Variants in ACADM observed in about 807,000 individuals in gnomAD.
The protein encoded by ACADM is acyl-CoA dehydrogenase medium chain, also known as medium-chain specific acyl-CoA dehydrogenase, mitochondrial.
ACADM carries 49 observed loss-of-function variants against 58.9 expected under a neutral mutation model. The ratio of observed to expected loss-of-function variants is 0.83; its 90% CI spans 0.66 to 1.06. The LOEUF is 1.06. ACADM is among the 50% of genes least tolerant of loss of function. The pLI is 0.00. For missense variants in ACADM, 496 were observed against 507.0 expected, an observed-to-expected ratio of 0.98 and a Z score of 0.21; for synonymous variants, 160 against 157.7, an observed-to-expected ratio of 1.01 and a Z score of -0.11.
chr1:75,750,463 G>T lies in ACADM; in HGVS notation c.862G>T (p.Ala288Ser). 1 of 1,611,382 alleles carries T rather than the reference G, an allele frequency of 6.2e-7. No homozygotes were observed. The highest frequency in any genetic ancestry group is 8.5e-7 in the Non-Finnish European group (1 of 1,179,292). Residue 288 changes from alanine (A) to serine (S), a missense_variant, in exon 10 of 12, where the codon GCT becomes TCT. Coordinates refer to ENST00000370841, the MANE Select transcript of ACADM (RefSeq NM_000016.6). The part of the protein sequence containing the change: ...DKTRPVVAAG[A>S]VGLAQRALDE... ...CTTAAAATACTAGGTAGCTGCTGGT[G>T]CTGTTGGATTAGCACAAAGAGCTTT... is the stretch of plus-strand genomic sequence containing the variant.
At chr1:75,725,807 C>T (rs971944504) in intron 1 of ACADM, among the ~76,000 whole-genome samples, 2 of 152,174 alleles carry the variant, frequency 1.3e-5, no homozygotes, top group Admixed American at 1.3e-4. Flanking sequence ...TTTAATCGTC[C>T]GAAAATACGC....
intron 10 of ACADM, among the ~76,000 whole-genome samples, chr1:75,752,639 T>C (rs1029013640): frequency 6.6e-6 from 1 of 152,234 alleles, no homozygotes; most frequent in Non-Finnish European, 1.5e-5. Context: ...ATTTGGTTTT[T>C]TCCATTATAC....
intron 7 of ACADM, chr1:75,744,540 T>G (rs116225825): frequency 4.7e-6 from 7 of 1,499,120 alleles, no homozygotes; most frequent in African/African-American, 2.8e-5. Flanking sequence ...TGACAGGTTC[T>G]GCAAACGCTG....
At chr1:75,759,414 G>A (rs1648696318) in intron 10 of ACADM, among the ~76,000 whole-genome samples, 2 of 152,170 alleles carry the variant, frequency 1.3e-5, no homozygotes, top group Admixed American at 1.3e-4. Context: ...CAGCACGTTG[G>A]AGATCCCAAG....
At chr1:75,742,595 G>C (rs1647640491) in intron 7 of ACADM, among the ~76,000 whole-genome samples, 1 of 152,182 alleles carries the variant, frequency 6.6e-6, no homozygotes, top group Non-Finnish European at 1.5e-5. Context: ...TGGTTCCACT[G>C]CCATGATGTG....
intron 1 of ACADM, among the ~76,000 whole-genome samples, chr1:75,727,321 T>A (rs1217887538): frequency 6.6e-6 from 1 of 152,196 alleles, no homozygotes; most frequent in African/African-American, 2.4e-5. Context: ...TTTTTACGGA[T>A]TTTGAAAAAC....
intron 2 of ACADM, chr1:75,732,391 C>T: frequency 2.4e-6 from 1 of 410,804 alleles, no homozygotes; most frequent in African/African-American, 2.0e-5. Context: ...CTCACTTGAG[C>T]TCTACAGGTT....
At chr1:75,759,381 C>T (rs139955857) in intron 10 of ACADM, among the ~76,000 whole-genome samples, 48 of 152,342 alleles carry the variant, frequency 3.2e-4, no homozygotes, top group Middle Eastern at 3.4e-3. Flanking sequence ...ACCAGCACCA[C>T]GCTGAACCTA....
At chr1:75,743,460 C>T in intron 7 of ACADM, 1 of 1,611,578 alleles carries the variant, frequency 6.2e-7, no homozygotes, top group Non-Finnish European at 8.5e-7. Flanking sequence ...CTACCGCTGC[C>T]TTGATTTTGC....
Position 75,760,315 on chromosome 1 carries a change from G to C in ACADM, c.946-807G>C, listed in dbSNP as rs371279472. Among the ~76,000 whole-genome samples the C allele has an allele frequency of 3.4e-5, 5 of 146,758 alleles. No individual in the cohort carries two copies. The South Asian group carries it at 1.1e-3, about 33-fold the overall frequency. Reference sequence around the variant, plus strand: ...TGTGGTGGCACACGCCCAGCTACTCGGGAGGCTGAGGCAGGAAAATCGCTT... The same window carrying C: ...TGTGGTGGCACACGCCCAGCTACTCCGGAGGCTGAGGCAGGAAAATCGCTT... On this transcript the variant is annotated intron_variant, in intron 10 of 11. Coordinates refer to ENST00000370841, the MANE Select transcript of ACADM (RefSeq NM_000016.6).
chr1:75,733,167 AG>A, intron 4 of ACADM: 1 of 1,612,434 alleles, frequency 6.2e-7, no homozygotes, highest in Non-Finnish European at 8.5e-7. Context: ...CCGTTTCTAG[AG>A]TTGGTCAATT....
At chr1:75,749,771 G>A (rs1239113879) in intron 9 of ACADM, among the ~76,000 whole-genome samples, 2 of 142,732 alleles carry the variant, frequency 1.4e-5, no homozygotes, top group African/African-American at 5.2e-5. Flanking sequence ...GGAGTGCAGT[G>A]GTGCAATCTC....
chr1:75,756,289 A>T (rs1648501443), intron 10 of ACADM, among the ~76,000 whole-genome samples: 1 of 152,222 alleles, frequency 6.6e-6, no homozygotes, highest in African/African-American at 2.4e-5. Flanking sequence ...CTGTTTGCAC[A>T]TGTCATGATT....
intron 10 of ACADM, among the ~76,000 whole-genome samples, chr1:75,758,744 C>T (rs958357862): frequency 9.9e-5 from 15 of 152,166 alleles, no homozygotes; most frequent in African/African-American, 2.4e-4. Context: ...TAAAAATGCA[C>T]GAATCAGCGC....
At chr1:75,754,113 T>C (rs965119435) in intron 10 of ACADM, among the ~76,000 whole-genome samples, 11 of 151,906 alleles carry the variant, frequency 7.2e-5, no homozygotes, top group African/African-American at 2.7e-4. Context: ...TCATTTTTAA[T>C]TGGTAGGTAC....
chr1:75,749,507 A>G lies in ACADM; in HGVS notation c.797A>G (p.Asp266Gly), dbSNP rs201375579. Residue 266 changes from aspartate to glycine, a missense_variant, in exon 9 of 12, where the codon GAC becomes GGC. Physicochemically the swap from Asp to Gly is moderately conservative, Grantham distance 94. Coordinates refer to ENST00000370841, the MANE Select transcript of ACADM (RefSeq NM_000016.6). ...CCTAAAGAAAATGTTTTAATTGGTG[A>G]CGGAGCTGGTTTCAAAGTTGCAATG... ...KVPKENVLIG[D>G]GAGFKVAMGA... 246 of 1,613,994 alleles carry G rather than the reference A, an allele frequency of 1.5e-4. 1 individual carries two copies. Among genetic ancestry groups the G allele is most frequent in the Admixed American group, 6.0e-4 (36 of 59,994 alleles).
intron 11 of ACADM, 179 bp downstream of exon 11, chr1:75,761,549 G>A (rs1648862202): frequency 1.4e-6 from 1 of 690,378 alleles, no homozygotes; most frequent in Non-Finnish European, 2.5e-6. Flanking sequence ...TTGTGATTAA[G>A]TATAAGTCTG....
chr1:75,743,526 C>T lies in ACADM; in HGVS notation c.600-2280C>T, dbSNP rs935542655. Reference sequence around the variant, plus strand: ...TCAGCCGGTGATCATAGGTCAGTGCCACGTACATCATGGGCTGCACCTCTA... The same window carrying T: ...TCAGCCGGTGATCATAGGTCAGTGCTACGTACATCATGGGCTGCACCTCTA... On this transcript the variant is annotated intron_variant, in intron 7 of 11. Coordinates refer to ENST00000370841, the MANE Select transcript of ACADM (RefSeq NM_000016.6). 21 of 1,607,308 alleles carry T rather than the reference C, an allele frequency of 1.3e-5. No individual in the cohort carries two copies. In the African/African-American group the frequency reaches 2.5e-4, roughly 19 times the overall value.
chr1:75,735,841 C>CAAA (rs11421630), intron 6 of ACADM, among the ~76,000 whole-genome samples: 2 of 133,422 alleles, frequency 1.5e-5, no homozygotes, highest in East Asian at 2.2e-4. Context: ...GACTCTGTCT[C>CAAA]AAAAAAAAAA....
Sources: allele counts gnomAD v4.1 joint callset (sites outside exome capture counted in the v4.1 genomes callset), GRCh38; gene constraint gnomAD v4.1.1; transcripts MANE v1.5; gene names NCBI Gene and HGNC (gene_info 2026-07-23, HGNC 2026-07-21).